Variants in EHD2 observed in about 807,000 individuals in gnomAD.
EHD2 encodes EH domain containing 2, also known as EH domain-containing protein 2.
A neutral mutation model predicts 41.0 loss-of-function variants in EHD2; 27 were observed. That is an observed-to-expected ratio of 0.66 (90% CI 0.49 to 0.91). EHD2 has a LOEUF of 0.91. EHD2 is among the 40% of genes least tolerant of loss of function. EHD2 has a pLI of 0.00. For synonymous variants in EHD2, 342 were observed against 341.0 expected (o/e 1.00, Z -0.03); for missense variants, 673 against 773.9 (o/e 0.87, Z 1.55).
chr19:47,741,309 TGAG>T lies in EHD2; in HGVS notation c.1513_1515del (p.Glu505del), dbSNP rs1568595009. On this transcript the variant is annotated inframe_deletion, in exon 6 of 6. Transcript: ENST00000263277. This position sits in a 1 kb window ranked among gnomAD's most constrained non-coding sequence, Gnocchi z 4.5. ...TGGACCGCGACGGCATGCTGGATGA[TGAG>T]GAGTTCGCGCTGGCCAGCCACCTCA... 1.9e-6 allele frequency: 3 copies of T among 1,613,750 alleles called. No individual in the cohort carries two copies. Among genetic ancestry groups the T allele is most frequent in the Admixed American group, 1.7e-5 (1 of 59,990 alleles).
intron 1 of EHD2, among the ~76,000 whole-genome samples, 151 bp from the exon 2 acceptor site, chr19:47,716,407 T>A (rs945060241): frequency 6.6e-6 from 1 of 151,990 alleles, no homozygotes; most frequent in African/African-American, 2.4e-5. Flanking sequence ...CCACCTGCCA[T>A]CCATGCTCTG....
At position 47,725,898 on chromosome 19, in the gene EHD2, T is replaced by C. The variant is rs1350202084; in HGVS notation, c.589T>C (p.Ser197Pro). The C allele has an allele frequency of 6.2e-7, 1 of 1,613,896 alleles. No homozygotes were observed. The highest frequency in any genetic ancestry group is 1.1e-5 in the South Asian group (1 of 91,078). Residue 197 changes from serine (S) to proline (P), a missense_variant, in exon 4 of 6, where the codon TCG (serine) becomes CCG (proline). Coordinates refer to ENST00000263277, the MANE Select transcript of EHD2 (RefSeq NM_014601.4). Reference protein sequence around the residue: ...LLFDAHKLEISDEFSEAIGAL... With the variant: ...LLFDAHKLEIPDEFSEAIGAL... ...CTTTGATGCGCACAAGCTGGAGATC[T>C]CGGACGAGTTCTCAGAGGCCATCGG...
rs1031265745 is a variant in EHD2, at chr19:47,719,734, C to T, written c.502+1128C>T. Among the ~76,000 whole-genome samples, 12 of 152,088 alleles carry T rather than the reference C, an allele frequency of 7.9e-5. No homozygotes were observed. The highest frequency in any genetic ancestry group is 2.4e-4 in the African/African-American group (10 of 41,504). On this transcript the variant is annotated intron_variant, in intron 3 of 5. Transcript: ENST00000263277. The surrounding 1 kb of genome is among the most constrained non-coding windows in gnomAD (Gnocchi z 4.1). ...AGCTGCAGAAACGATTGGGAGGACA[C>T]GCTGCCAGCTGAGGGGGAGGAATTC...
At chr19:47,737,263 G>A (rs914710829) in intron 5 of EHD2, among the ~76,000 whole-genome samples, 3 of 151,596 alleles carry the variant, frequency 2.0e-5, no homozygotes, top group Middle Eastern at 6.9e-3. Flanking sequence ...AGGAAGTTGG[G>A]AAGGGGAAGA....
At chr19:47,737,399 G>C (rs1599903092) in intron 5 of EHD2, among the ~76,000 whole-genome samples, 1 of 151,934 alleles carries the variant, frequency 6.6e-6, no homozygotes, top group South Asian at 2.1e-4. Flanking sequence ...GCTCATGCCT[G>C]TAATCCCAGC....
chr19:47,725,979 G>A lies in EHD2; in HGVS notation c.670G>A (p.Val224Met). ...CGTGGTGCTCAACAAGGCCGACATGGTGGAGACGCAGCAGCTGATGCGCGT... is the reference window on the plus strand; with the variant it reads ...CGTGGTGCTCAACAAGGCCGACATGATGGAGACGCAGCAGCTGATGCGCGT... ...IRVVLNKADM[V>M]ETQQLMRVYG... The change falls in exon 4 of 6, where the codon GTG becomes ATG. Residue 224 changes from valine (V) to methionine (M), a missense_variant. By Grantham distance (21) the Val-to-Met change is conservative (BLOSUM62 1). Coordinates refer to ENST00000263277, the MANE Select transcript of EHD2 (RefSeq NM_014601.4). 6.2e-7 allele frequency: 1 copy of A among 1,612,104 alleles called. No individual in the cohort carries two copies. Among genetic ancestry groups the A allele is most frequent in the African/African-American group, 1.3e-5 (1 of 75,044 alleles).
chr19:47,729,325 G>A (rs1292627145), intron 4 of EHD2, among the ~76,000 whole-genome samples: 1 of 152,174 alleles, frequency 6.6e-6, no homozygotes, highest in Non-Finnish European at 1.5e-5. Flanking sequence ...TGTGGGCTGT[G>A]TCCGGGAATC....
chr19:47,732,366 G>A (rs1402596058), intron 4 of EHD2, among the ~76,000 whole-genome samples: 1 of 151,820 alleles, frequency 6.6e-6, no homozygotes, highest in Non-Finnish European at 1.5e-5. Context: ...TGATCGACCC[G>A]CTTCAGCCTC....
intron 5 of EHD2, among the ~76,000 whole-genome samples, chr19:47,737,167 C>T (rs1289609415): frequency 5.5e-5 from 8 of 144,648 alleles, no homozygotes. Flanking sequence ...GGAGGCGGAG[C>T]TTGCACTGAG....
chr19:47,714,095 C>G (rs1454459342), intron 1 of EHD2, among the ~76,000 whole-genome samples: 1 of 152,170 alleles, frequency 6.6e-6, no homozygotes, highest in Non-Finnish European at 1.5e-5. Context: ...CCCTGGCCAC[C>G]CCTTTTAAGT....
intron 5 of EHD2, among the ~76,000 whole-genome samples, chr19:47,740,661 G>A (rs1360686470): frequency 6.6e-6 from 1 of 152,128 alleles, no homozygotes. Context: ...CAGGAGAATC[G>A]CTTGAAACCG....
rs111589174 is a variant in EHD2, at chr19:47,742,143, CTTTT to C, written c.*712_*715del. ...CATTTATTTCCTTCCTTCCTTCCTT[CTTTT>C]CTTTCCTTCCTTCCTTCTTTTTTGT... On this transcript the variant is annotated 3_prime_UTR_variant, in exon 6 of 6. Coordinates refer to ENST00000263277, the MANE Select transcript of EHD2 (RefSeq NM_014601.4). 26,077 of 335,092 alleles carry C rather than the reference CTTTT, an allele frequency of 0.078. 4,915 individuals are homozygous for C. The highest frequency in any genetic ancestry group is 0.46 in the African/African-American group (20,587 of 45,186). The allele number at this position is 335,092 out of a possible 1,614,324, so 20.8% of individuals were successfully genotyped here.
At chr19:47,718,383 C>A in intron 2 of EHD2, 126 bp from the exon 3 acceptor site, 1 of 737,054 alleles carries the variant, frequency 1.4e-6, no homozygotes, top group South Asian at 1.7e-5. Flanking sequence ...CTTTTTCTGT[C>A]CGGTGTCTTT....
At chr19:47,720,810 G>A (rs1282480535) in intron 3 of EHD2, among the ~76,000 whole-genome samples, 1 of 152,168 alleles carries the variant, frequency 6.6e-6, no homozygotes, top group South Asian at 2.1e-4. Context: ...TGTATCTCCG[G>A]ATACAGTTGT....
chr19:47,731,966 T>C (rs1966880324), intron 4 of EHD2: 1 of 151,674 alleles, frequency 6.6e-6, no homozygotes, highest in Non-Finnish European at 1.5e-5. Flanking sequence ...TTTTTGTATT[T>C]TTAGTAGAGG....
chr19:47,734,481 C>T (rs1568592809), intron 4 of EHD2, among the ~76,000 whole-genome samples: 1 of 152,042 alleles, frequency 6.6e-6, no homozygotes, highest in Non-Finnish European at 1.5e-5. Context: ...AGCTGGGTAC[C>T]GTGGCTCCCG....
At chr19:47,713,770 C>T (rs778458086) in intron 1 of EHD2, among the ~76,000 whole-genome samples, 1 of 151,834 alleles carries the variant, frequency 6.6e-6, no homozygotes, top group African/African-American at 2.4e-5. Context: ...CTCTCACACT[C>T]CCCCAGTCTC....
In EHD2 at chr19:47,741,547, C is replaced by A; in HGVS notation, c.*115C>A. The stretch of plus-strand genomic sequence containing the variant: ...GCCCTCCCTGCCCAGCTGTAAGGAC[C>A]GGGGGTCTCCCTCCTCACTACCGCC... On this transcript the variant is annotated 3_prime_UTR_variant, in exon 6 of 6. Transcript: ENST00000263277. This position sits in a 1 kb window ranked among gnomAD's most constrained non-coding sequence, Gnocchi z 4.5. 8.0e-7 allele frequency: 1 copy of A among 1,245,750 alleles called. No homozygotes were observed. The highest frequency in any genetic ancestry group is 1.1e-6 in the Non-Finnish European group (1 of 914,888). 77.2% of individuals were successfully genotyped at this position (1,245,750 alleles called of 1,614,324 possible).
intron 5 of EHD2, among the ~76,000 whole-genome samples, chr19:47,737,019 C>T (rs1966930200): frequency 6.6e-6 from 1 of 151,586 alleles, no homozygotes; most frequent in Non-Finnish European, 1.5e-5. Flanking sequence ...ATCACGAGGT[C>T]AGCAGATCAA....
Sources: gnomAD v4.1 joint callset for allele counts (sites outside exome capture counted in the v4.1 genomes callset) on GRCh38, gnomAD v4.1.1 for gene constraint, Gnocchi (gnomAD v3.1) non-coding constraint, MANE v1.5 for transcripts, NCBI Gene and HGNC (gene_info 2026-07-23, HGNC 2026-07-21) for gene names.